The following KCNH5 variants were observed in gnomAD, a reference collection of about 807,000 sequenced individuals.
KCNH5 encodes potassium voltage-gated channel subfamily H member 5, also known as voltage-gated delayed rectifier potassium channel KCNH5.
A neutral mutation model predicts 96.1 loss-of-function variants in KCNH5; 46 were observed. That is an observed-to-expected ratio of 0.48 (90% CI 0.38 to 0.61). The LOEUF (loss-of-function observed/expected upper bound fraction) is 0.61. Ranked by LOEUF, KCNH5 falls within the 20% of genes least tolerant of loss-of-function variation. The probability of loss-of-function intolerance (pLI) is 0.00; values close to 1 mark genes in which losing one functional copy is unlikely to be tolerated. For synonymous variants in KCNH5, 439 were observed against 449.8 expected, an observed-to-expected ratio of 0.98 and a Z score of 0.30; for missense variants, 907 against 1,225.8, an observed-to-expected ratio of 0.74 and a Z score of 3.88.
chr14:62,819,091 C>T (rs1183541639), intron 8 of KCNH5, among the ~76,000 whole-genome samples: 4 of 152,170 alleles, frequency 2.6e-5, no homozygotes, highest in East Asian at 1.9e-4. Flanking sequence ...CTCAGCCTCC[C>T]GAGTAGCTGG....
chr14:62,880,397 G>A (rs1414640499), intron 7 of KCNH5, among the ~76,000 whole-genome samples: 1 of 152,114 alleles, frequency 6.6e-6, no homozygotes, highest in Admixed American at 6.6e-5. Flanking sequence ...TTTCAAAGAA[G>A]AAAAGCCAAC....
At chr14:62,939,452 C>CA (rs1889746241) in intron 7 of KCNH5, among the ~76,000 whole-genome samples, 1 of 152,162 alleles carries the variant, frequency 6.6e-6, no homozygotes, top group African/African-American at 2.4e-5. Flanking sequence ...ACCTAATGAA[C>CA]ATTTCCATCA....
intron 7 of KCNH5, among the ~76,000 whole-genome samples, chr14:62,917,896 T>G (rs1889306154): frequency 6.6e-6 from 1 of 152,184 alleles, no homozygotes; most frequent in Non-Finnish European, 1.5e-5. Flanking sequence ...ATATTAACAG[T>G]CAAGAATTCA....
intron 7 of KCNH5, among the ~76,000 whole-genome samples, chr14:62,897,539 A>T (rs186105474): frequency 6.6e-5 from 10 of 152,276 alleles, no homozygotes; most frequent in Admixed American, 4.6e-4. Context: ...GGGGAAAAAA[A>T]ACTGCACGGA....
rs1491457497 is a variant in KCNH5 at position 63,003,624 on chromosome 14, A to ATATATATATATATT, written c.305-2166_305-2165insAATATATATATATA. On this transcript the variant is annotated intron_variant, in intron 3 of 10. Coordinates refer to ENST00000322893, the MANE Select transcript of KCNH5 (RefSeq NM_139318.5). Reference sequence around the variant, plus strand: ...TATTTATATTTATATATATATATATATTTTTTTTTTTTTGAGACGGAGTCT... The same window carrying ATATATATATATATT: ...TATTTATATTTATATATATATATATATATATATATATATTTTTTTTTTTTTTTGAGACGGAGTCT... Among the ~76,000 whole-genome samples, 12 of 92,796 alleles carry ATATATATATATATT rather than the reference A, an allele frequency of 1.3e-4. No homozygotes were observed. The South Asian group carries it at 1.8e-3, about 14-fold the overall frequency. 60.9% of individuals were successfully genotyped at this position (92,796 alleles called of 152,430 possible). A position where few individuals can be genotyped will look rare whatever the true frequency, so the allele number is the denominator to read the frequency against.
chr14:62,997,741 C>G (rs1890932590), intron 4 of KCNH5, among the ~76,000 whole-genome samples: 1 of 148,850 alleles, frequency 6.7e-6, no homozygotes, highest in South Asian at 2.1e-4. Context: ...ACTAAAAATA[C>G]AAAAAAAAAT....
intron 10 of KCNH5, among the ~76,000 whole-genome samples, chr14:62,777,200 G>A (rs897358918): frequency 4.6e-5 from 7 of 152,188 alleles, no homozygotes; most frequent in African/African-American, 1.7e-4. Context: ...TGTTTCTGTG[G>A]AATATTATGG....
At chr14:62,916,165 G>T (rs529433266) in intron 7 of KCNH5, among the ~76,000 whole-genome samples, 1 of 152,010 alleles carries the variant, frequency 6.6e-6, no homozygotes, top group African/African-American at 2.4e-5. Context: ...TGTTAGCCAG[G>T]ATGGGCTCGA....
At chr14:62,785,134 T>C (rs182684283) in intron 9 of KCNH5, among the ~76,000 whole-genome samples, 2 of 152,224 alleles carry the variant, frequency 1.3e-5, no homozygotes, top group East Asian at 3.8e-4. Flanking sequence ...TTTGTTGGCT[T>C]TCTATGTCAC....
chr14:62,981,437 C>G (rs1388883866), intron 5 of KCNH5, among the ~76,000 whole-genome samples, 173 bp from the exon 6 acceptor site: 1 of 152,214 alleles, frequency 6.6e-6, no homozygotes, highest in Non-Finnish European at 1.5e-5. Context: ...AGTCCAATCA[C>G]TCTACCAAAG....
chr14:62,983,404 A>G (rs1890647613), intron 5 of KCNH5, among the ~76,000 whole-genome samples: 1 of 151,852 alleles, frequency 6.6e-6, no homozygotes, highest in Non-Finnish European at 1.5e-5. Flanking sequence ...GTGTATGTAT[A>G]TATACATATA....
At chr14:62,749,535 A>T (rs1003776145) in intron 10 of KCNH5, among the ~76,000 whole-genome samples, 2 of 152,164 alleles carry the variant, frequency 1.3e-5, no homozygotes, top group African/African-American at 4.8e-5. Flanking sequence ...CTTCCTTAGG[A>T]GGGGAAGGGA....
At chr14:62,838,322 A>G (rs1006782402) in intron 8 of KCNH5, among the ~76,000 whole-genome samples, 1 of 152,122 alleles carries the variant, frequency 6.6e-6, no homozygotes, top group Non-Finnish European at 1.5e-5. Flanking sequence ...CCTCTGATTC[A>G]TACTCACACT....
chr14:62,732,487 G>GA (rs530245570), intron 10 of KCNH5, among the ~76,000 whole-genome samples: 5,156 of 139,764 alleles, frequency 0.037, 138 homozygotes, highest in South Asian at 0.088. Context: ...CCTGATAAAG[G>GA]AAAAAAAAAA....
At chr14:62,962,043 A>C (rs1890222419) in intron 6 of KCNH5, among the ~76,000 whole-genome samples, 1 of 151,684 alleles carries the variant, frequency 6.6e-6, no homozygotes. Flanking sequence ...ATGCAGATGG[A>C]GACGGAGATG....
intron 1 of KCNH5, among the ~76,000 whole-genome samples, chr14:63,021,998 G>A (rs1305991079): frequency 6.6e-6 from 1 of 152,114 alleles, no homozygotes; most frequent in Non-Finnish European, 1.5e-5. Context: ...CATAGATTCA[G>A]TAACTCATGA....
intron 10 of KCNH5, among the ~76,000 whole-genome samples, chr14:62,752,571 G>A (rs1415786113): frequency 6.6e-6 from 1 of 152,028 alleles, no homozygotes; most frequent in Non-Finnish European, 1.5e-5. Flanking sequence ...GAGGTACCCT[G>A]GTAGTACTTC....
chr14:62,743,787 T>A (rs907534918), intron 10 of KCNH5, among the ~76,000 whole-genome samples: 21 of 152,132 alleles, frequency 1.4e-4, no homozygotes, highest in African/African-American at 5.1e-4. Flanking sequence ...CCACCCCCAA[T>A]CTGGGCAGTT....
At chr14:63,025,146 T>G (rs1378328522) in intron 1 of KCNH5, among the ~76,000 whole-genome samples, 3 of 152,112 alleles carry the variant, frequency 2.0e-5, no homozygotes, top group African/African-American at 7.2e-5. Flanking sequence ...TAATATTGAT[T>G]CAATAGATTT....
Sources: allele counts gnomAD v4.1 joint callset (sites outside exome capture counted in the v4.1 genomes callset), GRCh38; gene constraint gnomAD v4.1.1; transcripts MANE v1.5; gene names NCBI Gene and HGNC (gene_info 2026-07-23, HGNC 2026-07-21).